TMEM230: variants seen among roughly 807,000 people sequenced by gnomAD.
The protein encoded by TMEM230 is UPF0414 transmembrane protein C20orf30.
In TMEM230, 10 loss-of-function variants were observed where a neutral mutation model predicts 15.8. The observed-to-expected ratio is 0.63, with a 90% CI of 0.39 to 1.07. The LOEUF is 1.07. TMEM230 is among the 50% of genes least tolerant of loss of function. TMEM230 has a pLI of 0.01. For synonymous variants in TMEM230, 67 were observed against 76.9 expected (o/e 0.87, Z 0.68); for missense variants, 165 against 193.3 (o/e 0.85, Z 0.87).
chr20:5,107,948 C>A (rs538795301), intron 3 of TMEM230, among the ~76,000 whole-genome samples: 147 of 151,986 alleles, frequency 9.7e-4, no homozygotes, highest in South Asian at 1.5e-3. Context: ...CCCATCTATA[C>A]TAAAAATACG....
intron 3 of TMEM230, among the ~76,000 whole-genome samples, chr20:5,077,550 T>A (rs1265776631): frequency 7.3e-6 from 1 of 137,132 alleles, no homozygotes; most frequent in South Asian, 2.3e-4. Context: ...AATACAAAAA[T>A]TAACTGGGCA....
At chr20:5,065,723 G>A (rs914889724), downstream of TMEM230, among the ~76,000 whole-genome samples, 16 of 152,140 alleles carry the variant, frequency 1.1e-4, no homozygotes, top group African/African-American at 3.4e-4. Flanking sequence ...AGCAGGACCC[G>A]GGTTCTGTGG....
chr20:5,095,069 T>G (rs2089627352), downstream of TMEM230, among the ~76,000 whole-genome samples: 1 of 152,148 alleles, frequency 6.6e-6, no homozygotes, highest in Admixed American at 6.6e-5. Context: ...AGCAGCGCGG[T>G]GGATGGTGGT....
chr20:5,106,189 C>T lies in TMEM230; in HGVS notation c.410G>A (p.Gly137Glu). 2 of 1,609,014 alleles carry T rather than the reference C, an allele frequency of 1.2e-6. No homozygotes were observed. The highest frequency in any genetic ancestry group is 1.7e-6 in the Non-Finnish European group (2 of 1,178,720). The change falls in exon 4 of 5, where the codon GGG becomes GAG. Residue 137 changes from glycine (G) to glutamate (E), a missense_variant and splice_region_variant. Transcript: ENST00000342308. ...ATTCCCACATGCCCGTCAGCTTACC[C>T]CTTTGCTGATGTAGCCTGACAGCAG...
intron 3 of TMEM230, among the ~76,000 whole-genome samples, chr20:5,091,979 T>C (rs2089520172): frequency 6.6e-6 from 1 of 152,226 alleles, no homozygotes; most frequent in Non-Finnish European, 1.5e-5. Flanking sequence ...GAAGAGATAC[T>C]TTTGTTCCCA....
At chr20:5,077,819 G>A (rs1211376210) in intron 3 of TMEM230, among the ~76,000 whole-genome samples, 2 of 150,844 alleles carry the variant, frequency 1.3e-5, no homozygotes, top group Non-Finnish European at 2.9e-5. Flanking sequence ...GGGCAAGAGA[G>A]CAAGACTCAA....
At chr20:5,110,769 C>T (rs962103298) in intron 2 of TMEM230, among the ~76,000 whole-genome samples, 5 of 152,160 alleles carry the variant, frequency 3.3e-5, no homozygotes, top group Admixed American at 6.5e-5. Context: ...GGAATAACAA[C>T]CTGGCTTCTT....
intron 3 of TMEM230, among the ~76,000 whole-genome samples, chr20:5,094,054 G>C (rs1023957361): frequency 1.3e-5 from 2 of 150,900 alleles, no homozygotes; most frequent in Non-Finnish European, 3.0e-5. Context: ...TGCCTCCCGG[G>C]TTCAAGCGAT....
downstream of TMEM230, chr20:5,099,736 C>T (rs200654452): frequency 1.9e-6 from 1 of 520,172 alleles, no homozygotes; most frequent in Non-Finnish European, 2.4e-6. Context: ...AAGTCCATAA[C>T]CTCAGAGTTA....
chr20:5,102,646 G>A (rs545482052), intron 4 of TMEM230, among the ~76,000 whole-genome samples: 1 of 141,976 alleles, frequency 7.0e-6, no homozygotes, highest in South Asian at 2.2e-4. Flanking sequence ...AGCTGAGATC[G>A]CACCACTGCA....
intron 2 of TMEM230, among the ~76,000 whole-genome samples, chr20:5,110,447 G>A (rs1006379792): frequency 1.4e-4 from 22 of 152,016 alleles, no homozygotes; most frequent in African/African-American, 5.3e-4. Flanking sequence ...ACCACGCCTG[G>A]CTAATTTTTG....
intron 3 of TMEM230, among the ~76,000 whole-genome samples, chr20:5,085,353 A>G (rs111892975): frequency 5.9e-5 from 9 of 152,050 alleles, no homozygotes; most frequent in African/African-American, 2.2e-4. Context: ...CAGTGGCACA[A>G]TCTCAGCTCA....
intron 1 of TMEM230, chr20:5,111,780 G>A: frequency 1.0e-6 from 1 of 982,024 alleles, no homozygotes; most frequent in Non-Finnish European, 1.2e-6. Flanking sequence ...TTTGTTAGAT[G>A]CCAGCTGTTC....
intron 3 of TMEM230, among the ~76,000 whole-genome samples, chr20:5,085,282 TG>T: frequency 6.6e-6 from 1 of 151,930 alleles, no homozygotes; most frequent in Admixed American, 6.6e-5. Flanking sequence ...AATCTTTTTT[TG>T]TTTTTCTTTT....
At chr20:5,078,962 G>C (rs906930870) in intron 3 of TMEM230, among the ~76,000 whole-genome samples, 5 of 151,986 alleles carry the variant, frequency 3.3e-5, no homozygotes, top group Non-Finnish European at 7.4e-5. Context: ...GCCTACATTT[G>C]TTAATTAGTT....
intron 2 of TMEM230, among the ~76,000 whole-genome samples, chr20:5,110,574 G>A (rs979254207): frequency 3.3e-5 from 5 of 152,056 alleles, no homozygotes; most frequent in African/African-American, 7.2e-5. Flanking sequence ...CCACTGTGCC[G>A]GGCCCCTTGT....
downstream of TMEM230, among the ~76,000 whole-genome samples, chr20:5,066,548 T>C (rs1008301979): frequency 1.3e-5 from 2 of 151,882 alleles, no homozygotes; most frequent in African/African-American, 4.8e-5. Context: ...GGCGTATGCC[T>C]GTAGTCCCAG....
intron 3 of TMEM230, among the ~76,000 whole-genome samples, chr20:5,079,096 T>C (rs2089098877): frequency 6.6e-6 from 1 of 152,374 alleles, no homozygotes; most frequent in South Asian, 2.1e-4. Flanking sequence ...TCCATTGATT[T>C]TTCTTTCAAT....
chr20:5,104,186 T>A (rs1410288326), intron 4 of TMEM230, among the ~76,000 whole-genome samples: 1 of 152,072 alleles, frequency 6.6e-6, no homozygotes, highest in Non-Finnish European at 1.5e-5. Context: ...GAAATGCAAA[T>A]CAAGACTACA....
Sources: gnomAD v4.1 joint callset for allele counts (sites outside exome capture counted in the v4.1 genomes callset) on GRCh38, gnomAD v4.1.1 for gene constraint, MANE v1.5 for transcripts, NCBI Gene and HGNC (gene_info 2026-07-23, HGNC 2026-07-21) for gene names.